Variants in BRINP2 observed in about 807,000 individuals in gnomAD.
BRINP2 encodes the protein BMP/retinoic acid inducible neural specific 2.
BRINP2 carries 21 observed loss-of-function variants against 69.2 expected under a neutral mutation model. That is an observed-to-expected ratio of 0.30 (90% confidence interval 0.22 to 0.44). The LOEUF (loss-of-function observed/expected upper bound fraction) is 0.44, where lower values mean the gene tolerates loss of function less well. Among genes scored for constraint, BRINP2 ranks in the 20% least tolerant of loss-of-function variants. BRINP2 has a pLI of 1.00. For missense variants in BRINP2, 877 were observed against 986.0 expected (o/e 0.89, Z 1.48); for synonymous variants, 380 against 394.1 (o/e 0.96, Z 0.42).
intron 1 of BRINP2, among the ~76,000 whole-genome samples, chr1:177,177,425 G>T (rs549997517): frequency 6.6e-6 from 1 of 152,198 alleles, no homozygotes; most frequent in African/African-American, 2.4e-5. Flanking sequence ...TGTCATTATT[G>T]TCATTCACTG....
intron 1 of BRINP2, among the ~76,000 whole-genome samples, chr1:177,218,339 CCA>C (rs1254514532): frequency 6.6e-6 from 1 of 152,094 alleles, no homozygotes; most frequent in Admixed American, 6.6e-5. Flanking sequence ...GTAACCCTTC[CCA>C]CCTCTTCTGG....
chr1:177,222,546 A>G (rs1400388895), intron 1 of BRINP2, among the ~76,000 whole-genome samples: 1 of 152,144 alleles, frequency 6.6e-6, no homozygotes, highest in Admixed American at 6.5e-5. Context: ...TCCTGGCCTC[A>G]GGTGATCCAC....
rs188521052 is a variant in BRINP2, at chr1:177,197,068, C to T, written c.-77+25336C>T. ...TGGGCCCCGTATTAGTCCATTCTCA[C>T]ATTGACATAAAGAAATACCTGAGAC... is the stretch of plus-strand genomic sequence containing the variant. On this transcript the variant is annotated intron_variant, in intron 1 of 7. Coordinates refer to ENST00000361539, the MANE Select transcript of BRINP2 (RefSeq NM_021165.4). Among the ~76,000 whole-genome samples, 13 of 152,162 alleles carry T rather than the reference C, an allele frequency of 8.5e-5. No individual in the cohort carries two copies. The East Asian group carries it at 2.5e-3, about 29-fold the overall frequency.
At chr1:177,184,651 T>C (rs1648374016) in intron 1 of BRINP2, among the ~76,000 whole-genome samples, 1 of 152,104 alleles carries the variant, frequency 6.6e-6, no homozygotes, top group African/African-American at 2.4e-5. Context: ...GAGTCTTTTT[T>C]TTTTTTAATC....
intron 5 of BRINP2, chr1:177,275,046 C>A: frequency 2.2e-6 from 1 of 448,748 alleles, no homozygotes. Flanking sequence ...CTCACCATAT[C>A]CAGAAGTTCT....
intron 1 of BRINP2, among the ~76,000 whole-genome samples, chr1:177,221,597 A>AATTAT (rs1174943090): frequency 6.6e-6 from 1 of 152,214 alleles, no homozygotes; most frequent in Non-Finnish European, 1.5e-5. Flanking sequence ...AAATATTCAA[A>AATTAT]ATTATAAAAA....
intron 4 of BRINP2, among the ~76,000 whole-genome samples, chr1:177,260,306 A>G (rs1407956395): frequency 3.3e-5 from 5 of 152,230 alleles, no homozygotes; most frequent in African/African-American, 7.2e-5. Flanking sequence ...ATAAATGACG[A>G]GTTGCTTCTT....
rs776566323 is a variant in BRINP2, at chr1:177,281,247, C to A, written c.2071C>A (p.Pro691Thr). The change falls in exon 8 of 8, where the codon CCC becomes ACC. Residue 691 changes from proline to threonine, a missense_variant. Transcript: ENST00000361539. Reference protein sequence around the residue: ...NTLQVFGYSLPFDPDAIRDLI... With the variant: ...NTLQVFGYSLTFDPDAIRDLI... ...CTTGCAGGTCTTTGGCTACAGCCTG[C>A]CCTTTGACCCAGATGCTATCCGGGA... 2 of 1,614,158 alleles carry A rather than the reference C, an allele frequency of 1.2e-6. No individual in the cohort carries two copies. Among genetic ancestry groups the A allele is most frequent in the Non-Finnish European group, 1.7e-6 (2 of 1,180,028 alleles).
chr1:177,186,515 T>C (rs1451176668), intron 1 of BRINP2, among the ~76,000 whole-genome samples: 2 of 152,122 alleles, frequency 1.3e-5, no homozygotes, highest in Non-Finnish European at 2.9e-5. Flanking sequence ...TTTGGTCTCT[T>C]GTGCTCTTAG....
intron 4 of BRINP2, among the ~76,000 whole-genome samples, chr1:177,268,717 G>A (rs568237343): frequency 1.3e-5 from 2 of 152,224 alleles, no homozygotes; most frequent in African/African-American, 4.8e-5. Context: ...AAGACACTAG[G>A]TCTTAGAGCA....
At chr1:177,269,004 G>A (rs1405893800) in intron 4 of BRINP2, among the ~76,000 whole-genome samples, 1 of 152,110 alleles carries the variant, frequency 6.6e-6, no homozygotes, top group South Asian at 2.1e-4. Context: ...CAGCTGATGT[G>A]GTTACATCAG....
At chr1:177,269,563 T>A (rs1354932714) in intron 4 of BRINP2, among the ~76,000 whole-genome samples, 2 of 152,160 alleles carry the variant, frequency 1.3e-5, no homozygotes, top group African/African-American at 4.8e-5. Flanking sequence ...AAAAGTGACT[T>A]GTCCGAATTC....
chr1:177,256,161 A>C, intron 3 of BRINP2, 52 bp downstream of exon 3: 1 of 1,585,086 alleles, frequency 6.3e-7, no homozygotes, highest in South Asian at 1.1e-5. Flanking sequence ...ATTGGAAATA[A>C]CGTTAAGACT....
At chr1:177,215,052 T>C (rs955193180) in intron 1 of BRINP2, among the ~76,000 whole-genome samples, 7 of 152,176 alleles carry the variant, frequency 4.6e-5, no homozygotes, top group Non-Finnish European at 1.0e-4. Context: ...GACTATCATC[T>C]CCCCAGTCTC....
At chr1:177,222,306 T>C (rs909743597) in intron 1 of BRINP2, among the ~76,000 whole-genome samples, 3 of 152,072 alleles carry the variant, frequency 2.0e-5, no homozygotes, top group Non-Finnish European at 2.9e-5. Flanking sequence ...GCCAGACACC[T>C]TTTTTTCTTT....
intron 1 of BRINP2, among the ~76,000 whole-genome samples, chr1:177,208,734 G>A (rs1338728819): frequency 6.6e-6 from 1 of 152,210 alleles, no homozygotes; most frequent in East Asian, 1.9e-4. Flanking sequence ...TGAAAAGGAA[G>A]GTGTCTAGGA....
At chr1:177,257,590 G>C (rs558332204) in intron 4 of BRINP2, among the ~76,000 whole-genome samples, 5 of 152,198 alleles carry the variant, frequency 3.3e-5, no homozygotes, top group Non-Finnish European at 7.3e-5. Context: ...TCTGAGGCAG[G>C]CTACAGCAGA....
chr1:177,273,355 A>C (rs1261163813), intron 4 of BRINP2, 133 bp from the exon 5 acceptor site: 3 of 525,914 alleles, frequency 5.7e-6, no homozygotes, highest in African/African-American at 2.0e-5. Flanking sequence ...CTGGAGTACG[A>C]AAAGGGACGT....
rs199990562 is a variant in BRINP2, at chr1:177,280,559, C to T, written c.1383C>T (p.Gly461=). 7.3e-5 allele frequency: 118 copies of T among 1,614,134 alleles called. No individual in the cohort carries two copies. The highest frequency in any genetic ancestry group is 6.2e-4 in the East Asian group (28 of 44,868). The part of the protein sequence containing the change: ...SCQGPIPCAL[G]EGPACAHCAP... ...AGGGCCCCATCCCATGTGCCTTGGG[C>T]GAAGGGCCCGCGTGTGCCCACTGTG... is the stretch of plus-strand genomic sequence containing the variant. Residue 461 remains glycine (G), a synonymous_variant, in exon 8 of 8, where the codon GGC becomes GGT. Transcript: ENST00000361539.
Sources: allele counts gnomAD v4.1 joint callset (sites outside exome capture counted in the v4.1 genomes callset), GRCh38; gene constraint gnomAD v4.1.1; transcripts MANE v1.5; gene names NCBI Gene and HGNC (gene_info 2026-07-23, HGNC 2026-07-21).